Variants in FRAS1 observed in about 807,000 individuals in gnomAD.
The protein encoded by FRAS1 is Fraser extracellular matrix complex subunit 1, also known as extracellular matrix organizing protein FRAS1.
FRAS1 carries 290 observed loss-of-function variants against 435.2 expected under a neutral mutation model. The observed-to-expected ratio is 0.67, with a 90% CI of 0.61 to 0.73. The LOEUF (loss-of-function observed/expected upper bound fraction) is 0.73. Ranked by LOEUF, FRAS1 falls within the 30% of genes least tolerant of loss-of-function variation. The probability of loss-of-function intolerance (pLI) is 0.00; values close to 1 mark genes in which losing one functional copy is unlikely to be tolerated. For synonymous variants in FRAS1, 1,800 were observed against 1,851.0 expected (o/e 0.97, Z 0.71); for missense variants, 4,860 against 5,001.5 (o/e 0.97, Z 0.85).
At position 78,308,078 on chromosome 4, in the gene FRAS1, C is replaced by G; in HGVS notation, c.1547C>G (p.Ser516Cys). Residue 516 changes from serine (S) to cysteine (C), a missense_variant, in exon 15 of 74, where the codon TCC becomes TGC. Ser to Cys is a moderately radical substitution (Grantham distance 112). Coordinates refer to ENST00000512123, the MANE Select transcript of FRAS1 (RefSeq NM_025074.7). ...TATTCGTCTGCAGTCTGCCATGAGT[C>G]CTGTGCAGGTTGCTGGGGCCCAACG... ...DRHSCAVCHESCAGCWGPTEK... is the reference protein window; with the variant it reads ...DRHSCAVCHECCAGCWGPTEK... The G allele has an allele frequency of 6.2e-7, 1 of 1,612,438 alleles. No individual in the cohort carries two copies. The highest frequency in any genetic ancestry group is 8.5e-7 in the Non-Finnish European group (1 of 1,178,840).
chr4:78,356,160 G>T (rs992871392), intron 20 of FRAS1, among the ~76,000 whole-genome samples: 6 of 152,062 alleles, frequency 3.9e-5, no homozygotes, highest in Non-Finnish European at 7.4e-5. Context: ...GGGTAGTTCT[G>T]TCTCTTTATT....
At chr4:78,346,936 T>C (rs1245988996) in intron 20 of FRAS1, among the ~76,000 whole-genome samples, 1 of 152,074 alleles carries the variant, frequency 6.6e-6, no homozygotes, top group African/African-American at 2.4e-5. Flanking sequence ...TCTCCCATCT[T>C]CTTTCCTCCA....
intron 37 of FRAS1, among the ~76,000 whole-genome samples, chr4:78,432,051 A>G (rs75737601): frequency 0.013 from 1,973 of 152,312 alleles, 48 homozygotes; most frequent in African/African-American, 0.045. Flanking sequence ...TAATGACTAG[A>G]TATTATAGAG....
At chr4:78,408,871 C>A (rs1174171926) in intron 31 of FRAS1, among the ~76,000 whole-genome samples, 1 of 152,060 alleles carries the variant, frequency 6.6e-6, no homozygotes, top group East Asian at 1.9e-4. Context: ...CACTTGTAAT[C>A]TCAACACCTC....
intron 61 of FRAS1, among the ~76,000 whole-genome samples, chr4:78,505,135 CT>C (rs1231337213): frequency 6.6e-6 from 1 of 152,186 alleles, no homozygotes; most frequent in Non-Finnish European, 1.5e-5. Flanking sequence ...GTAATCCGAC[CT>C]TTCTCTCTGG....
chr4:78,059,586 T>C (rs116483208), intron 1 of FRAS1, among the ~76,000 whole-genome samples: 2,455 of 151,534 alleles, frequency 0.016, 89 homozygotes, highest in East Asian at 0.13. Flanking sequence ...CACCCAAACC[T>C]GAACTTGGTA....
chr4:78,299,459 G>C (rs776431819), intron 14 of FRAS1, among the ~76,000 whole-genome samples: 13 of 152,142 alleles, frequency 8.5e-5, no homozygotes, highest in Non-Finnish European at 1.9e-4. Flanking sequence ...ATGAAACTCG[G>C]GGTGACAGCC....
intron 14 of FRAS1, among the ~76,000 whole-genome samples, chr4:78,304,894 C>G (rs1728625825): frequency 1.3e-5 from 2 of 151,804 alleles, no homozygotes; most frequent in South Asian, 4.2e-4. Flanking sequence ...TATTTCTTGC[C>G]TTCTGCTAGC....
intron 2 of FRAS1, among the ~76,000 whole-genome samples, chr4:78,146,770 AT>A (rs1317146848): frequency 6.6e-6 from 1 of 152,148 alleles, no homozygotes; most frequent in Non-Finnish European, 1.5e-5. Flanking sequence ...TGTTGACCTT[AT>A]TATGGCCACA....
intron 35 of FRAS1, among the ~76,000 whole-genome samples, chr4:78,425,082 G>GT (rs1733945185): frequency 6.8e-6 from 1 of 147,420 alleles, no homozygotes; most frequent in Non-Finnish European, 1.5e-5. Context: ...GTGCCTGAAT[G>GT]CCTCATTCTT....
At chr4:78,284,384 C>A in intron 12 of FRAS1, 21 bp from the exon 13 acceptor site, 1 of 1,613,496 alleles carries the variant, frequency 6.2e-7, no homozygotes. Context: ...GAGTTCTCCC[C>A]TTCTTTGTCC....
intron 14 of FRAS1, among the ~76,000 whole-genome samples, chr4:78,295,120 T>C (rs149089966): frequency 3.6e-4 from 55 of 152,376 alleles, no homozygotes; most frequent in African/African-American, 1.3e-3. Context: ...TAATTTTCCA[T>C]CTCTGGCTAT....
chr4:78,482,726 C>T (rs967032843), intron 58 of FRAS1, among the ~76,000 whole-genome samples, 191 bp downstream of exon 58: 3 of 152,252 alleles, frequency 2.0e-5, no homozygotes, highest in Middle Eastern at 3.4e-3. Context: ...TTGATGTCTC[C>T]GGTACTCTGC....
At chr4:78,116,010 A>C (rs13148650) in intron 2 of FRAS1, among the ~76,000 whole-genome samples, 70 of 152,142 alleles carry the variant, frequency 4.6e-4, no homozygotes, top group African/African-American at 1.6e-3. Context: ...AATGTGTCCC[A>C]GAGATTCTGG....
intron 15 of FRAS1, among the ~76,000 whole-genome samples, chr4:78,310,014 G>T (rs1337498796): frequency 6.6e-6 from 1 of 152,202 alleles, no homozygotes; most frequent in Admixed American, 6.5e-5. Context: ...AAGAGAGCTA[G>T]CCCTTGGGAG....
chr4:78,126,593 G>A (rs941854556), intron 2 of FRAS1, among the ~76,000 whole-genome samples: 8 of 152,198 alleles, frequency 5.3e-5, no homozygotes, highest in African/African-American at 1.9e-4. Context: ...GGAAATTCTT[G>A]ATATTCTTTG....
intron 2 of FRAS1, among the ~76,000 whole-genome samples, chr4:78,080,914 G>T (rs1483025972): frequency 6.6e-6 from 1 of 152,204 alleles, no homozygotes; most frequent in Non-Finnish European, 1.5e-5. Flanking sequence ...GGCAAGTGGA[G>T]ATGGGCTATG....
chr4:78,080,415 G>C (rs1221215247), intron 2 of FRAS1, among the ~76,000 whole-genome samples: 2 of 152,120 alleles, frequency 1.3e-5, no homozygotes. Context: ...TATTTGTGAG[G>C]CTTGTTTCTT....
chr4:78,387,744 G>A (rs781292885), intron 29 of FRAS1, 43 bp downstream of exon 29: 2 of 1,283,338 alleles, frequency 1.6e-6, no homozygotes, highest in Non-Finnish European at 2.1e-6. Context: ...GCACCTAGAT[G>A]TGAACTTCTA....
Sources: gnomAD v4.1 joint callset for allele counts (sites outside exome capture counted in the v4.1 genomes callset) on GRCh38, gnomAD v4.1.1 for gene constraint, MANE v1.5 for transcripts, NCBI Gene and HGNC (gene_info 2026-07-23, HGNC 2026-07-21) for gene names.